POU6F2: variants seen among roughly 807,000 people sequenced by gnomAD.
POU6F2 encodes POU domain, class 6, transcription factor 2.
Under a neutral mutation model 71.3 loss-of-function variants are expected in POU6F2, and 31 were observed. The ratio of observed to expected loss-of-function variants is 0.43; its 90% CI spans 0.33 to 0.59. POU6F2 has a LOEUF of 0.59. POU6F2 is among the 20% of genes least tolerant of loss of function. The probability of loss-of-function intolerance (pLI) is 0.04; values close to 1 mark genes in which losing one functional copy is unlikely to be tolerated. For missense variants in POU6F2, 783 were observed against 856.8 expected (o/e 0.91, Z 1.07); for synonymous variants, 347 against 355.7 (o/e 0.98, Z 0.27).
intron 6 of POU6F2, among the ~76,000 whole-genome samples, chr7:39,431,003 G>A (rs1184609176): frequency 6.6e-6 from 1 of 152,210 alleles, no homozygotes; most frequent in Non-Finnish European, 1.5e-5. Context: ...ACAGGAGCCA[G>A]CCTTTGAATC....
At position 39,011,694 on chromosome 7, in the gene POU6F2, C is replaced by T. The variant is rs1335216884; in HGVS notation, c.105+33636C>T. Among the ~76,000 whole-genome samples, 118 of 151,146 alleles carry T rather than the reference C, an allele frequency of 7.8e-4. 2 individuals carry two copies. The highest frequency in any genetic ancestry group is 2.2e-4 in the Non-Finnish European group (15 of 67,754). On this transcript the variant is annotated intron_variant, in intron 1 of 9. Transcript: ENST00000518318. ...TCCTTTCCATGTTTAGTGCTTCCTTCAGGAGCTCTTGTAGGGCAGGCCTGG... is the reference window on the plus strand; with the variant it reads ...TCCTTTCCATGTTTAGTGCTTCCTTTAGGAGCTCTTGTAGGGCAGGCCTGG...
intron 6 of POU6F2, among the ~76,000 whole-genome samples, chr7:39,428,858 C>T (rs995349844): frequency 4.0e-5 from 6 of 151,144 alleles, no homozygotes; most frequent in Admixed American, 3.3e-4. Context: ...AGCAAAGTAT[C>T]GCAAGGACAG....
At chr7:39,046,798 A>G (rs1449565038) in intron 1 of POU6F2, among the ~76,000 whole-genome samples, 1 of 151,938 alleles carries the variant, frequency 6.6e-6, no homozygotes, top group African/African-American at 2.4e-5. Flanking sequence ...ATCCTGATTG[A>G]GAACCACTGT....
chr7:39,240,403 A>C (rs771100373), intron 4 of POU6F2, among the ~76,000 whole-genome samples: 23 of 152,134 alleles, frequency 1.5e-4, no homozygotes, highest in Non-Finnish European at 1.3e-4. Context: ...CAAACCACAG[A>C]ATCCCTTTGT....
At chr7:39,073,735 G>A (rs1200629422) in intron 1 of POU6F2, among the ~76,000 whole-genome samples, 1 of 152,240 alleles carries the variant, frequency 6.6e-6, no homozygotes, top group Non-Finnish European at 1.5e-5. Flanking sequence ...CTGCTGGGAA[G>A]CACAGGAAGC....
chr7:39,364,451 T>C (rs1323574801), intron 5 of POU6F2, among the ~76,000 whole-genome samples: 1 of 152,102 alleles, frequency 6.6e-6, no homozygotes, highest in Non-Finnish European at 1.5e-5. Flanking sequence ...CACAGTCCAT[T>C]GTATCATTCT....
chr7:39,411,227 G>C (rs1787541838), intron 6 of POU6F2, among the ~76,000 whole-genome samples: 1 of 152,292 alleles, frequency 6.6e-6, no homozygotes, highest in South Asian at 2.1e-4. Flanking sequence ...AAATGTGAGT[G>C]TATATATGTG....
chr7:39,390,702 G>A (rs1399795159), intron 5 of POU6F2, among the ~76,000 whole-genome samples: 1 of 152,138 alleles, frequency 6.6e-6, no homozygotes, highest in African/African-American at 2.4e-5. Context: ...AGTAATACAT[G>A]ACCCAGCTTT....
At chr7:39,073,899 A>G (rs1790941284) in intron 1 of POU6F2, among the ~76,000 whole-genome samples, 1 of 152,196 alleles carries the variant, frequency 6.6e-6, no homozygotes. Flanking sequence ...TGGAGTTGTG[A>G]ACCTTGTAGA....
intron 6 of POU6F2, among the ~76,000 whole-genome samples, chr7:39,417,634 C>G (rs1787709525): frequency 2.0e-5 from 3 of 152,028 alleles, no homozygotes; most frequent in African/African-American, 7.2e-5. Flanking sequence ...CAAAGATACA[C>G]AAACAGGAAA....
chr7:39,087,848 T>C (rs1487778223), intron 2 of POU6F2, among the ~76,000 whole-genome samples: 1 of 152,184 alleles, frequency 6.6e-6, no homozygotes, highest in African/African-American at 2.4e-5. Flanking sequence ...TTGTTTAGGG[T>C]TCCCAGTGTT....
chr7:38,999,114 G>A (rs925356928), intron 1 of POU6F2, among the ~76,000 whole-genome samples: 2 of 152,074 alleles, frequency 1.3e-5, no homozygotes, highest in Non-Finnish European at 2.9e-5. Context: ...TAAGTAGAAG[G>A]CATTTTGGGA....
chr7:39,154,047 T>C (rs1039035201), intron 2 of POU6F2, among the ~76,000 whole-genome samples: 1 of 152,242 alleles, frequency 6.6e-6, no homozygotes, highest in African/African-American at 2.4e-5. Flanking sequence ...TGGAAGATGA[T>C]TTAGATTTTG....
intron 4 of POU6F2, among the ~76,000 whole-genome samples, chr7:39,239,075 A>G (rs1794729239): frequency 6.6e-6 from 1 of 152,186 alleles, no homozygotes; most frequent in South Asian, 2.1e-4. Flanking sequence ...ATATGTAGAC[A>G]TTTTTGAGCT....
At chr7:39,098,870 A>T (rs895839476) in intron 2 of POU6F2, among the ~76,000 whole-genome samples, 1 of 152,176 alleles carries the variant, frequency 6.6e-6, no homozygotes, top group Non-Finnish European at 1.5e-5. Flanking sequence ...AAAGAATCTG[A>T]TTAATTTTGG....
rs1301179209 is a variant in POU6F2 at position 39,464,228 on chromosome 7, G to C, written c.1705G>C (p.Glu569Gln). The change falls in exon 10 of 10, where the codon GAG becomes CAG. Residue 569 changes from glutamate to glutamine, a missense_variant. By Grantham distance (29) the Glu-to-Gln change is conservative (BLOSUM62 2). Around this residue, in one of 2 missense-constraint regions of POU6F2, gnomAD observed 211 missense variants for 283.9 expected, o/e 0.74. Coordinates refer to ENST00000518318, the MANE Select transcript of POU6F2 (RefSeq NM_001370959.1). The surrounding 1 kb of genome is among the most constrained non-coding windows in gnomAD (Gnocchi z 4.1). ...SHFFLPQEAQ[E>Q]NTIASSLTAK... ...CTTTTTCCTACCACAGGAAGCCCAA[G>C]AGAACACTATAGCTAGCAGTCTGAC... 1 of 1,613,844 alleles carries C rather than the reference G, an allele frequency of 6.2e-7. No individual in the cohort carries two copies. The highest frequency in any genetic ancestry group is 1.3e-5 in the African/African-American group (1 of 74,908).
intron 4 of POU6F2, among the ~76,000 whole-genome samples, chr7:39,292,750 A>G (rs1784783429): frequency 6.6e-6 from 1 of 152,268 alleles, no homozygotes; most frequent in Middle Eastern, 3.4e-3. Flanking sequence ...ACTTCAGCAA[A>G]AACTCAGTCT....
chr7:39,357,451 G>A (rs1370357296), intron 5 of POU6F2, among the ~76,000 whole-genome samples: 1 of 152,174 alleles, frequency 6.6e-6, no homozygotes, highest in Admixed American at 6.5e-5. Context: ...TTTGTAAGAG[G>A]TGGAGCTGGA....
At chr7:39,364,044 C>A (rs116425564) in intron 5 of POU6F2, among the ~76,000 whole-genome samples, 1 of 152,124 alleles carries the variant, frequency 6.6e-6, no homozygotes, top group East Asian at 1.9e-4. Flanking sequence ...TATATCTTAG[C>A]GGTAGAGATC....
Sources: allele counts gnomAD v4.1 joint callset (sites outside exome capture counted in the v4.1 genomes callset), GRCh38; gene constraint gnomAD v4.1.1; regional missense constraint gnomAD v4.1.1; non-coding constraint Gnocchi (gnomAD v3.1); transcripts MANE v1.5; gene names NCBI Gene and HGNC (gene_info 2026-07-23, HGNC 2026-07-21).